Variants in CACNA2D2 observed in about 807,000 individuals in gnomAD.
CACNA2D2 encodes the protein calcium voltage-gated channel auxiliary subunit alpha2delta 2, also known as voltage-dependent calcium channel subunit alpha-2/delta-2.
In CACNA2D2, 48 loss-of-function variants were observed where a neutral mutation model predicts 166.4. That is an observed-to-expected ratio of 0.29 (90% CI 0.23 to 0.37). CACNA2D2 has a LOEUF of 0.37. Ranked by LOEUF, CACNA2D2 falls within the 10% of genes least tolerant of loss-of-function variation. The probability of loss-of-function intolerance (pLI) is 1.00; values close to 1 mark genes in which losing one functional copy is unlikely to be tolerated. For missense variants in CACNA2D2, 1,122 were observed against 1,433.0 expected (o/e 0.78, Z 3.50); for synonymous variants, 561 against 573.7 (o/e 0.98, Z 0.32).
rs1477754402 is a variant in CACNA2D2, at chr3:50,427,735, C to G, written c.405+6578G>C. On this transcript the variant is annotated intron_variant, in intron 3 of 37. Coordinates refer to ENST00000424201, the MANE Select transcript of CACNA2D2 (RefSeq NM_006030.4). The surrounding 1 kb of genome is among the most constrained non-coding windows in gnomAD (Gnocchi z 4.7). ...TCAGATCCCAGAGGCTGAGCCCCAG[C>G]CACAACCCAGAGCCACAGCGCTGGC... Among the ~76,000 whole-genome samples, 1 of 152,232 alleles carries G rather than the reference C, an allele frequency of 6.6e-6. No individual in the cohort carries two copies. The highest frequency in any genetic ancestry group is 1.5e-5 in the Non-Finnish European group (1 of 68,042).
intron 22 of CACNA2D2, among the ~76,000 whole-genome samples, chr3:50,373,617 A>AG (rs587613080): frequency 3.2e-3 from 22 of 6,886 alleles, no homozygotes; most frequent in African/African-American, 5.7e-3. Flanking sequence ...GTGGGACTGA[A>AG]GGGGGGGGGG....
chr3:50,435,250 GAGC>G (rs1708261217), intron 2 of CACNA2D2, among the ~76,000 whole-genome samples: 1 of 151,948 alleles, frequency 6.6e-6, no homozygotes, highest in East Asian at 1.9e-4. Context: ...TGAGTCTTAG[GAGC>G]AGATTTCTGC....
At chr3:50,374,396 GA>G (rs1704858457) in intron 22 of CACNA2D2, among the ~76,000 whole-genome samples, 1 of 127,168 alleles carries the variant, frequency 7.9e-6, no homozygotes, top group Non-Finnish European at 1.7e-5. Flanking sequence ...GTGGGGAGGG[GA>G]GGGGGAAGGT....
At chr3:50,491,816 G>A (rs983584002) in intron 1 of CACNA2D2, among the ~76,000 whole-genome samples, 2 of 152,178 alleles carry the variant, frequency 1.3e-5, no homozygotes, top group Non-Finnish European at 1.5e-5. Flanking sequence ...GTGACAGGTG[G>A]GGAACACTGG....
Position 50,367,219 on chromosome 3 carries a change from C to A in CACNA2D2, c.2402-110G>T. On this transcript the variant is annotated intron_variant, in intron 27 of 37. Coordinates refer to ENST00000424201, the MANE Select transcript of CACNA2D2 (RefSeq NM_006030.4). This position sits in a 1 kb window ranked among gnomAD's most constrained non-coding sequence, Gnocchi z 6.5. Reference sequence around the variant, plus strand: ...AATCCCGGGATGACTCCAGCCCAAGCACCCAGCACTCAGGACAGTGTTTGG... The same window carrying A: ...AATCCCGGGATGACTCCAGCCCAAGAACCCAGCACTCAGGACAGTGTTTGG... 1.0e-6 allele frequency: 1 copy of A among 1,000,970 alleles called. No individual in the cohort carries two copies. The allele number at this position is 1,000,970 out of a possible 1,614,324, so 62.0% of individuals were successfully genotyped here.
intron 2 of CACNA2D2, among the ~76,000 whole-genome samples, chr3:50,445,113 G>A (rs1470644881): frequency 6.6e-6 from 1 of 152,240 alleles, no homozygotes; most frequent in Non-Finnish European, 1.5e-5. Flanking sequence ...ACCTCAAAAA[G>A]TGGTGTGTGG....
intron 2 of CACNA2D2, among the ~76,000 whole-genome samples, chr3:50,463,642 C>CT (rs1156444723): frequency 6.6e-6 from 1 of 152,260 alleles, no homozygotes; most frequent in East Asian, 1.9e-4. Context: ...GGAGGGCTGT[C>CT]TGAGAAATGG....
intron 3 of CACNA2D2, 108 bp downstream of exon 3, chr3:50,434,205 T>G: frequency 1.3e-6 from 1 of 761,702 alleles, no homozygotes; most frequent in Admixed American, 2.1e-5. Context: ...CCAGCTGAAC[T>G]CAGGAGGGCC....
intron 6 of CACNA2D2, 95 bp downstream of exon 6, chr3:50,384,101 T>A (rs1705463616): frequency 6.7e-7 from 1 of 1,485,890 alleles, no homozygotes; most frequent in South Asian, 1.2e-5. Context: ...TAGATGGCAC[T>A]GGCCTTCTGT....
At chr3:50,422,574 C>T (rs959807575) in intron 3 of CACNA2D2, among the ~76,000 whole-genome samples, 3 of 152,272 alleles carry the variant, frequency 2.0e-5, no homozygotes, top group Non-Finnish European at 2.9e-5. Context: ...TGTGAGACCC[C>T]TTCTTTCAAT....
intron 2 of CACNA2D2, among the ~76,000 whole-genome samples, chr3:50,465,063 T>C (rs1575731364): frequency 6.6e-6 from 1 of 152,336 alleles, no homozygotes; most frequent in Middle Eastern, 3.4e-3. Flanking sequence ...TCCATACTCC[T>C]GCTGGGCCTA....
intron 13 of CACNA2D2, among the ~76,000 whole-genome samples, 166 bp from the exon 14 acceptor site, chr3:50,378,499 G>A (rs1009399461): frequency 6.6e-6 from 1 of 152,216 alleles, no homozygotes; most frequent in Non-Finnish European, 1.5e-5. Context: ...TGCCAAGGGC[G>A]GTGCTATGGA....
chr3:50,387,011 G>A (rs901736149), intron 5 of CACNA2D2, among the ~76,000 whole-genome samples: 4 of 152,148 alleles, frequency 2.6e-5, no homozygotes, highest in Admixed American at 1.3e-4. Context: ...CAGCCCGGGC[G>A]GACTTGAGCC....
chr3:50,425,589 A>G (rs555724934), intron 3 of CACNA2D2, among the ~76,000 whole-genome samples: 1 of 152,162 alleles, frequency 6.6e-6, no homozygotes, highest in Non-Finnish European at 1.5e-5. Flanking sequence ...ACGAAGGGCC[A>G]GACACTATTA....
intron 3 of CACNA2D2, among the ~76,000 whole-genome samples, chr3:50,415,454 T>C (rs536569472): frequency 2.4e-4 from 37 of 152,322 alleles, no homozygotes; most frequent in African/African-American, 8.4e-4. Context: ...CCTGGACTGC[T>C]AACGGTCCTG....
intron 2 of CACNA2D2, among the ~76,000 whole-genome samples, chr3:50,441,659 C>T (rs1037712288): frequency 3.5e-4 from 53 of 152,264 alleles, no homozygotes; most frequent in African/African-American, 1.2e-3. Flanking sequence ...TAGCCCTTTG[C>T]TCCTCTGAAA....
At chr3:50,443,119 C>A (rs1405222258) in intron 2 of CACNA2D2, among the ~76,000 whole-genome samples, 1 of 152,256 alleles carries the variant, frequency 6.6e-6, no homozygotes, top group Non-Finnish European at 1.5e-5. Flanking sequence ...CTGTGCCCAG[C>A]ATACCAGCTG....
At chr3:50,411,679 G>A (rs940983889) in intron 3 of CACNA2D2, among the ~76,000 whole-genome samples, 4 of 152,218 alleles carry the variant, frequency 2.6e-5, no homozygotes, top group East Asian at 3.8e-4. Context: ...AGTGCTCCAA[G>A]TCCACAAACC....
At chr3:50,490,808 G>A (rs937588105) in intron 1 of CACNA2D2, among the ~76,000 whole-genome samples, 1 of 152,226 alleles carries the variant, frequency 6.6e-6, no homozygotes, top group Admixed American at 6.5e-5. Flanking sequence ...TCCCTGAGCA[G>A]CCAGGCAGCA....
Sources: gnomAD v4.1 joint callset for allele counts (sites outside exome capture counted in the v4.1 genomes callset) on GRCh38, gnomAD v4.1.1 for gene constraint, Gnocchi (gnomAD v3.1) non-coding constraint, MANE v1.5 for transcripts, NCBI Gene and HGNC (gene_info 2026-07-23, HGNC 2026-07-21) for gene names.